Variants in CABCOCO1 observed in about 807,000 individuals in gnomAD.
CABCOCO1 encodes the protein ciliary-associated calcium-binding coiled-coil protein 1.
Under a neutral mutation model 35.7 loss-of-function variants are expected in CABCOCO1, and 28 were observed. The observed-to-expected ratio is 0.78, with a 90% CI of 0.58 to 1.07. The LOEUF (loss-of-function observed/expected upper bound fraction) is 1.07. Among genes scored for constraint, CABCOCO1 ranks in the 50% least tolerant of loss-of-function variants. The probability of loss-of-function intolerance (pLI) is 0.00; values close to 1 mark genes in which losing one functional copy is unlikely to be tolerated. For missense variants in CABCOCO1, 326 were observed against 309.2 expected (o/e 1.05, Z -0.41); for synonymous variants, 95 against 100.1 (o/e 0.95, Z 0.30).
In CABCOCO1 at chr10:61,667,156, TTA is replaced by T. The variant is rs1440753389; in HGVS notation, c.60+4128_60+4129del. On this transcript the variant is annotated intron_variant, in intron 1 of 7. Transcript: ENST00000648843. ...ATTTCATATGTATATATAAATATAATTATATGTTATATAAACATTTTACATAT... is the reference window on the plus strand; with the variant it reads ...ATTTCATATGTATATATAAATATAATTATGTTATATAAACATTTTACATAT... Among the ~76,000 whole-genome samples, 6 of 145,236 alleles carry T rather than the reference TTA, an allele frequency of 4.1e-5. No individual in the cohort carries two copies. The East Asian group carries it at 7.8e-4, about 19-fold the overall frequency.
At chr10:61,680,450 TTATATATAACATATATAATATATATTTA>T (rs781301688) in intron 2 of CABCOCO1, among the ~76,000 whole-genome samples, 1,220 of 120,514 alleles carry the variant, frequency 0.01, 20 homozygotes, top group African/African-American at 0.022. Flanking sequence ...ATAATATATT[TTATATATAACATATATAATATATATTTA>T]TATATATAAC....
intron 2 of CABCOCO1, among the ~76,000 whole-genome samples, chr10:61,675,198 C>T (rs548780974): frequency 8.5e-5 from 13 of 152,240 alleles, no homozygotes; most frequent in Non-Finnish European, 1.5e-4. Context: ...TTCATGCTAC[C>T]GCCATAGCCA....
chr10:61,739,627 T>C lies in CABCOCO1; in HGVS notation c.553-20432T>C, dbSNP rs1228792113. Among the ~76,000 whole-genome samples the C allele has an allele frequency of 2.6e-5, 4 of 152,104 alleles. No homozygotes were observed. In the East Asian group the frequency reaches 5.8e-4, roughly 22 times the overall value. ...AGTTTTTTTTTTTAATGCTAGCATATAGCAACGGTAATGGAAAGGAATGGA... is the reference window on the plus strand; with the variant it reads ...AGTTTTTTTTTTTAATGCTAGCATACAGCAACGGTAATGGAAAGGAATGGA... On this transcript the variant is annotated intron_variant, in intron 5 of 7. Transcript: ENST00000648843.
At chr10:61,731,267 C>CA (rs1273213996) in intron 5 of CABCOCO1, among the ~76,000 whole-genome samples, 2 of 151,018 alleles carry the variant, frequency 1.3e-5, no homozygotes, top group African/African-American at 2.4e-5. Context: ...AAGTTATTTC[C>CA]AAAAAAAAGT....
At chr10:61,687,367 A>T (rs902849043) in intron 4 of CABCOCO1, among the ~76,000 whole-genome samples, 2 of 152,210 alleles carry the variant, frequency 1.3e-5, no homozygotes, top group African/African-American at 2.4e-5. Context: ...CTTTCTACCC[A>T]TCAGGGTTTG....
At chr10:61,667,343 C>T (rs1291609298) in intron 1 of CABCOCO1, among the ~76,000 whole-genome samples, 6 of 150,906 alleles carry the variant, frequency 4.0e-5, no homozygotes, top group African/African-American at 1.5e-4. Context: ...GTGTCAATAT[C>T]ATGTCGTTTT....
At chr10:61,687,049 A>G (rs937491579) in intron 4 of CABCOCO1, among the ~76,000 whole-genome samples, 4 of 152,226 alleles carry the variant, frequency 2.6e-5, no homozygotes, top group African/African-American at 9.6e-5. Flanking sequence ...TATCTTAGAC[A>G]TGCTCATGAT....
chr10:61,717,024 TG>T, intron 5 of CABCOCO1, among the ~76,000 whole-genome samples: 1 of 152,132 alleles, frequency 6.6e-6, no homozygotes, highest in Non-Finnish European at 1.5e-5. Flanking sequence ...AATAGTATAA[TG>T]GCGAACACTA....
intron 5 of CABCOCO1, among the ~76,000 whole-genome samples, chr10:61,734,326 T>G (rs1179598425): frequency 1.3e-5 from 2 of 152,030 alleles, no homozygotes; most frequent in East Asian, 3.9e-4. Context: ...GATTAGGTAT[T>G]TCCTTTTGCA....
intron 5 of CABCOCO1, among the ~76,000 whole-genome samples, chr10:61,741,990 G>A (rs1438109768): frequency 1.3e-5 from 2 of 152,144 alleles, no homozygotes; most frequent in Non-Finnish European, 2.9e-5. Context: ...TACCAAATGT[G>A]GGGAAGCAGG....
At chr10:61,678,470 T>G (rs1447126599) in intron 2 of CABCOCO1, among the ~76,000 whole-genome samples, 1 of 152,016 alleles carries the variant, frequency 6.6e-6, no homozygotes, top group Non-Finnish European at 1.5e-5. Flanking sequence ...AAAAAATGTG[T>G]CAAAATGTAT....
intron 5 of CABCOCO1, among the ~76,000 whole-genome samples, chr10:61,716,401 C>T (rs976802327): frequency 6.6e-6 from 1 of 152,112 alleles, no homozygotes; most frequent in Non-Finnish European, 1.5e-5. Flanking sequence ...AGCTAGGATG[C>T]AAGGGGAGCA....
chr10:61,692,908 A>G lies in CABCOCO1; in HGVS notation c.552+2287A>G, dbSNP rs1032856761. On this transcript the variant is annotated intron_variant, in intron 5 of 7. Transcript: ENST00000648843. ...TTTGGAATATAATCCTATCTCATCT[A>G]TTCAAGCAAAACTTTGGGAAAATGA... Among the ~76,000 whole-genome samples the G allele has an allele frequency of 2.0e-5, 3 of 152,266 alleles. No individual in the cohort carries two copies. In the South Asian group the frequency reaches 6.2e-4, roughly 32 times the overall value.
intron 4 of CABCOCO1, among the ~76,000 whole-genome samples, chr10:61,688,352 A>G (rs1187698584): frequency 1.3e-5 from 2 of 152,186 alleles, no homozygotes; most frequent in African/African-American, 4.8e-5. Flanking sequence ...AACATGACCC[A>G]TACCACATGA....
chr10:61,704,013 C>T (rs1242744713), intron 5 of CABCOCO1, among the ~76,000 whole-genome samples: 5 of 151,640 alleles, frequency 3.3e-5, no homozygotes, highest in African/African-American at 4.8e-5. Context: ...GCCAGTAGTT[C>T]GAGACCAGCC....
At chr10:61,765,088 A>G (rs1842079848) in intron 7 of CABCOCO1, among the ~76,000 whole-genome samples, 1 of 152,174 alleles carries the variant, frequency 6.6e-6, no homozygotes, top group Admixed American at 6.5e-5. Flanking sequence ...CAAACTTTGA[A>G]TTTATTAACA....
At chr10:61,679,339 C>A (rs1372807489) in intron 2 of CABCOCO1, among the ~76,000 whole-genome samples, 1 of 132,618 alleles carries the variant, frequency 7.5e-6, no homozygotes, top group Admixed American at 7.6e-5. Context: ...CTATCTATAT[C>A]TATCTATCTA....
At chr10:61,681,776 T>C (rs1589118025) in intron 3 of CABCOCO1, among the ~76,000 whole-genome samples, 1 of 152,264 alleles carries the variant, frequency 6.6e-6, no homozygotes, top group East Asian at 1.9e-4. Context: ...GGTGCAGAAC[T>C]ACATGCTTTT....
At chr10:61,673,633 G>A (rs1839425793) in intron 2 of CABCOCO1, among the ~76,000 whole-genome samples, 2 of 152,180 alleles carry the variant, frequency 1.3e-5, no homozygotes, top group African/African-American at 4.8e-5. Context: ...GTCCTGGCTG[G>A]AAGAAAAATC....
Sources: allele counts gnomAD v4.1 joint callset (sites outside exome capture counted in the v4.1 genomes callset), GRCh38; gene constraint gnomAD v4.1.1; transcripts MANE v1.5; gene names NCBI Gene and HGNC (gene_info 2026-07-23, HGNC 2026-07-21).